SRP72: variants seen among roughly 807,000 people sequenced by gnomAD.
The protein encoded by SRP72 is signal recognition particle subunit SRP72.
SRP72 carries 49 observed loss-of-function variants against 96.3 expected under a neutral mutation model. The observed-to-expected ratio is 0.51, with a 90% CI of 0.40 to 0.65. The LOEUF is 0.65. SRP72 is among the 30% of genes least tolerant of loss of function. The probability of loss-of-function intolerance (pLI) is 0.00; values close to 1 mark genes in which losing one functional copy is unlikely to be tolerated. For synonymous variants in SRP72, 267 were observed against 275.2 expected (o/e 0.97, Z 0.30); for missense variants, 736 against 793.3 (o/e 0.93, Z 0.87).
chr4:56,469,580 G>A (rs1017266056), intron 1 of SRP72, 73 bp from the exon 2 acceptor site: 42 of 1,421,106 alleles, frequency 3.0e-5, no homozygotes, highest in Non-Finnish European at 3.6e-5. Context: ...CGGAGAGACA[G>A]GGTGGGAAAA....
At chr4:56,486,584 G>A (rs887860145) in intron 11 of SRP72, among the ~76,000 whole-genome samples, 187 bp downstream of exon 11, 6 of 152,096 alleles carry the variant, frequency 3.9e-5, no homozygotes, top group Admixed American at 6.5e-5. Context: ...GCCCCTTTTC[G>A]TGGATTATTC....
chr4:56,474,429 G>T (rs368415083), intron 5 of SRP72, 38 bp downstream of exon 5: 95 of 1,538,948 alleles, frequency 6.2e-5, no homozygotes, highest in Non-Finnish European at 5.9e-5. Context: ...AATATAACGT[G>T]CATATAACTT....
intron 16 of SRP72, 84 bp from the exon 17 acceptor site, chr4:56,495,273 C>T: frequency 1.2e-6 from 1 of 849,646 alleles, no homozygotes; most frequent in Admixed American, 3.0e-5. Flanking sequence ...GATAAGTGCC[C>T]AACTAACTCT....
intron 6 of SRP72, among the ~76,000 whole-genome samples, chr4:56,477,555 A>G (rs1032329761): frequency 3.3e-5 from 5 of 151,820 alleles, no homozygotes; most frequent in Admixed American, 2.0e-4. Context: ...AGCCTCCTAA[A>G]GCACTGAGAT....
At chr4:56,500,968 A>C (rs1721244478) in intron 18 of SRP72, among the ~76,000 whole-genome samples, 1 of 148,010 alleles carries the variant, frequency 6.8e-6, no homozygotes, top group Non-Finnish European at 1.5e-5. Flanking sequence ...ACTATTATAA[A>C]AACTAAAAGT....
intron 8 of SRP72, among the ~76,000 whole-genome samples, chr4:56,481,189 T>G (rs1391909332): frequency 3.9e-5 from 6 of 152,210 alleles, no homozygotes; most frequent in Non-Finnish European, 7.3e-5. Flanking sequence ...AGTTTCAAAT[T>G]GGTTTGGAGC....
chr4:56,501,821 A>T lies in SRP72; in HGVS notation c.1976A>T (p.Gln659Leu). 1.2e-6 allele frequency: 2 copies of T among 1,614,162 alleles called. No individual in the cohort carries two copies. ...GGGGCTCCAGCAACAAAAAAGAAAC[A>T]GCAACAGAAAAAGAAGAAAGGTGGA... ...PAGAPATKKK[Q>L]QQKKKKGGKG... The change falls in exon 19 of 19, where the codon CAG becomes CTG. Residue 659 changes from glutamine to leucine, a missense_variant. Transcript: ENST00000642900.
In SRP72 at chr4:56,500,551, A is replaced by T. The variant is rs1489563144; in HGVS notation, c.1694A>T (p.Asn565Ile). 1.2e-6 allele frequency: 2 copies of T among 1,613,334 alleles called. No homozygotes were observed. The change falls in exon 18 of 19, where the codon AAT becomes ATT. Residue 565 changes from asparagine to isoleucine, a missense_variant. Physicochemically the swap from Asn to Ile is moderately radical, Grantham distance 149. Transcript: ENST00000642900. ...CGTTATGCAGGAAAATTGCCTAAGA[A>T]TTATGACCCAAAAGTTACCCCAGAT... Reference protein sequence around the residue: ...KKKKKGKLPKNYDPKVTPDPE... With the variant: ...KKKKKGKLPKIYDPKVTPDPE...
At chr4:56,488,096 C>T (rs1444951614) in intron 12 of SRP72, 83 bp downstream of exon 12, 7 of 894,474 alleles carry the variant, frequency 7.8e-6, no homozygotes, top group South Asian at 1.7e-5. Context: ...ATTTATATGT[C>T]GAATGTGTAT....
At chr4:56,472,210 G>T (rs1720003899) in intron 3 of SRP72, among the ~76,000 whole-genome samples, 1 of 152,100 alleles carries the variant, frequency 6.6e-6, no homozygotes, top group African/African-American at 2.4e-5. Flanking sequence ...GAATTTAGAT[G>T]ATTCTAGCCC....
rs552767988 is a variant in SRP72, at chr4:56,467,782, G to C, written c.109+38G>C. On this transcript the variant is annotated intron_variant, in intron 1 of 18. Transcript: ENST00000642900. Reference sequence around the variant, plus strand: ...GTGGGCACTGGGGCGGGCCCAGGCCGGCTGGAGGATGCGGCCTGTTTCCGG... The same window carrying C: ...GTGGGCACTGGGGCGGGCCCAGGCCCGCTGGAGGATGCGGCCTGTTTCCGG... The C allele has an allele frequency of 2.1e-6, 3 of 1,437,558 alleles. No individual in the cohort carries two copies. The East Asian group carries it at 8.6e-5, about 41-fold the overall frequency. The allele number at this position is 1,437,558 out of a possible 1,614,324, so 89.1% of individuals were successfully genotyped here. A position where few individuals can be genotyped will look rare whatever the true frequency, so the allele number is the denominator to read the frequency against.
chr4:56,467,998 G>A (rs1042556154), intron 1 of SRP72, among the ~76,000 whole-genome samples: 2 of 152,262 alleles, frequency 1.3e-5, no homozygotes, highest in East Asian at 1.9e-4. Context: ...CGCGGGAAGC[G>A]AGGGAAGGTT....
chr4:56,482,011 A>T, intron 8 of SRP72, among the ~76,000 whole-genome samples: 1 of 150,174 alleles, frequency 6.7e-6, no homozygotes. Context: ...TGATCCACCC[A>T]CCTCTGCCTT....
At position 56,467,620 on chromosome 4, in the gene SRP72, C is replaced by T. The variant is rs551174819; in HGVS notation, c.-16C>T. 2.0e-6 allele frequency: 3 copies of T among 1,533,650 alleles called. No homozygotes were observed. Among genetic ancestry groups the T allele is most frequent in the Non-Finnish European group, 1.8e-6 (2 of 1,142,810 alleles). ...GGGGCAGAGGTCTCCCCGCCCCGCCCCTCGTCTCCTCCAAGATGGCGAGCG... is the reference window on the plus strand; with the variant it reads ...GGGGCAGAGGTCTCCCCGCCCCGCCTCTCGTCTCCTCCAAGATGGCGAGCG... On this transcript the variant is annotated 5_prime_UTR_variant, in exon 1 of 19. Transcript: ENST00000642900.
chr4:56,497,337 A>G (rs1195363278), intron 17 of SRP72, among the ~76,000 whole-genome samples: 1 of 150,788 alleles, frequency 6.6e-6, no homozygotes, highest in Non-Finnish European at 1.5e-5. Flanking sequence ...CTCCTGCCTC[A>G]GCCTCCCAAG....
intron 9 of SRP72, among the ~76,000 whole-genome samples, chr4:56,484,187 C>T (rs1470210797): frequency 6.6e-6 from 1 of 151,646 alleles, no homozygotes; most frequent in East Asian, 1.9e-4. Flanking sequence ...GCGCCCAGCA[C>T]CACGCCTGGC....
chr4:56,491,614 G>T (rs1253397933), intron 16 of SRP72, 46 bp downstream of exon 16: 2 of 1,554,680 alleles, frequency 1.3e-6, no homozygotes, highest in South Asian at 1.2e-5. Context: ...TTTTAAATTA[G>T]ACAAGGAATA....
chr4:56,471,744 A>T lies in SRP72; in HGVS notation c.255A>T (p.Ala85=). Residue 85 remains alanine (A), a synonymous_variant, in exon 3 of 19, where the codon GCA becomes GCT. Transcript: ENST00000642900. ...LANNSLSFEK[A]YCEYRLNRIE... ...GTAACTCTCTCTCCTTTGAAAAGGC[A>T]TATTGCGAGTACAGGCTGAACAGAA... is the stretch of plus-strand genomic sequence containing the variant. The T allele has an allele frequency of 6.2e-7, 1 of 1,613,830 alleles. No individual in the cohort carries two copies. The highest frequency in any genetic ancestry group is 8.5e-7 in the Non-Finnish European group (1 of 1,179,910).
intron 9 of SRP72, among the ~76,000 whole-genome samples, chr4:56,483,980 A>G (rs1389837985): frequency 6.8e-6 from 1 of 146,842 alleles, no homozygotes; most frequent in Non-Finnish European, 1.5e-5. Flanking sequence ...TTCTAATTTT[A>G]TACTGTTTTA....
Sources: allele counts gnomAD v4.1 joint callset (sites outside exome capture counted in the v4.1 genomes callset), GRCh38; gene constraint gnomAD v4.1.1; transcripts MANE v1.5; gene names NCBI Gene and HGNC (gene_info 2026-07-23, HGNC 2026-07-21).